MYH10: variants seen among roughly 807,000 people sequenced by gnomAD.
The protein encoded by MYH10 is myosin-10.
A neutral mutation model predicts 257.8 loss-of-function variants in MYH10; 55 were observed. That is an observed-to-expected ratio of 0.21 (90% CI 0.17 to 0.27). MYH10 has a LOEUF of 0.27. MYH10 is among the 10% of genes least tolerant of loss of function. MYH10 has a pLI of 1.00. For synonymous variants in MYH10, 854 were observed against 921.7 expected, an observed-to-expected ratio of 0.93 and a Z score of 1.33; for missense variants, 1,631 against 2,500.6, an observed-to-expected ratio of 0.65 and a Z score of 7.42.
chr17:8,504,420 C>A lies in MYH10; in HGVS notation c.3599+274G>T, dbSNP rs1009399770. 4.6e-5 allele frequency among the ~76,000 whole-genome samples: 7 copies of A among 151,888 alleles called. No homozygotes were observed. Among genetic ancestry groups the A allele is most frequent in the African/African-American group, 1.7e-4 (7 of 41,190 alleles). On this transcript the variant is annotated intron_variant, in intron 28 of 42. Coordinates refer to ENST00000360416, the MANE Select transcript of MYH10 (RefSeq NM_001256012.3). This position sits in a 1 kb window ranked among gnomAD's most constrained non-coding sequence, Gnocchi z 5.6. Reference sequence around the variant, plus strand: ...TGCTCTGTGTAGTTGTCACTCTCTCCCCCTAGATATCCATCACTGACCACA... The same window carrying A: ...TGCTCTGTGTAGTTGTCACTCTCTCACCCTAGATATCCATCACTGACCACA...
Position 8,474,568 on chromosome 17 carries a change from T to C in MYH10, c.*1236A>G, listed in dbSNP as rs1301455980. On this transcript the variant is annotated 3_prime_UTR_variant, in exon 43 of 43. Coordinates refer to ENST00000360416, the MANE Select transcript of MYH10 (RefSeq NM_001256012.3). Reference sequence around the variant, plus strand: ...GTCACTGAATGTCTGTAATACCACTTTGACTAGAGAGGTACATGATATGAA... The same window carrying C: ...GTCACTGAATGTCTGTAATACCACTCTGACTAGAGAGGTACATGATATGAA... 1.3e-5 allele frequency: 2 copies of C among 152,678 alleles called. No individual in the cohort carries two copies. The highest frequency in any genetic ancestry group is 2.9e-5 in the Non-Finnish European group (2 of 68,042). 9.5% of individuals were successfully genotyped at this position (152,678 alleles called of 1,614,324 possible). A position where few individuals can be genotyped will look rare whatever the true frequency, so the allele number is the denominator to read the frequency against.
chr17:8,622,914 T>C lies in MYH10; in HGVS notation c.333A>G (p.Ser111=), dbSNP rs2085524135. ...VLHNLKDRYY[S]GLIYTYSGLF... ...AAGAAATACTTACATAGATTAGTCCTGAATAGTAGCGATCCTTCAGATTAT... is the reference window on the plus strand; with the variant it reads ...AAGAAATACTTACATAGATTAGTCCCGAATAGTAGCGATCCTTCAGATTAT... Residue 111 remains serine, a synonymous_variant, in exon 2 of 43, where the codon TCA becomes TCG. Coordinates refer to ENST00000360416, the MANE Select transcript of MYH10 (RefSeq NM_001256012.3). 1 of 1,613,890 alleles carries C rather than the reference T, an allele frequency of 6.2e-7. No homozygotes were observed. Among genetic ancestry groups the C allele is most frequent in the Non-Finnish European group, 8.5e-7 (1 of 1,179,890 alleles).
At chr17:8,531,853 G>T (rs764414656) in intron 16 of MYH10, among the ~76,000 whole-genome samples, 39 of 152,002 alleles carry the variant, frequency 2.6e-4, no homozygotes, top group African/African-American at 8.7e-4. Context: ...TTTTTCCAGG[G>T]TTATTTTTCT....
chr17:8,490,703 C>T lies in MYH10; in HGVS notation c.4672-151G>A. Reference sequence around the variant, plus strand: ...CTGCCACATGCATACACATCCTTCCCTCTCCCCTGAAAGCTGCTGCTATTC... The same window carrying T: ...CTGCCACATGCATACACATCCTTCCTTCTCCCCTGAAAGCTGCTGCTATTC... On this transcript the variant is annotated intron_variant, in intron 34 of 42. Coordinates refer to ENST00000360416, the MANE Select transcript of MYH10 (RefSeq NM_001256012.3). The surrounding 1 kb of genome is among the most constrained non-coding windows in gnomAD (Gnocchi z 4.1). The T allele has an allele frequency of 3.0e-6, 2 of 677,368 alleles. No individual in the cohort carries two copies. The highest frequency in any genetic ancestry group is 2.4e-5 in the Admixed American group (1 of 41,934). The allele number at this position is 677,368 out of a possible 1,614,324, so 42.0% of individuals were successfully genotyped here.
At chr17:8,518,860 A>G (rs1466468325) in intron 20 of MYH10, 21 bp downstream of exon 20, 1 of 1,603,230 alleles carries the variant, frequency 6.2e-7, no homozygotes, top group Non-Finnish European at 8.5e-7. Flanking sequence ...ACAAGCCAGA[A>G]AAAGATCAAG....
At chr17:8,587,469 T>C (rs533945289) in intron 4 of MYH10, among the ~76,000 whole-genome samples, 1 of 152,316 alleles carries the variant, frequency 6.6e-6, no homozygotes, top group East Asian at 1.9e-4. Flanking sequence ...CCAAGTCTTC[T>C]ACTTCATAGA....
rs993492729 is a variant in MYH10 at position 8,552,953 on chromosome 17, C to T, written c.821-809G>A. On this transcript the variant is annotated intron_variant, in intron 8 of 42. Coordinates refer to ENST00000360416, the MANE Select transcript of MYH10 (RefSeq NM_001256012.3). This position sits in a 1 kb window ranked among gnomAD's most constrained non-coding sequence, Gnocchi z 4.8. ...TCAGATCCACAGTTCTTGATGCTCC[C>T]GGAGTTCCTATGGGTTGACAGTCAC... Among the ~76,000 whole-genome samples, 1 of 152,204 alleles carries T rather than the reference C, an allele frequency of 6.6e-6. No individual in the cohort carries two copies. Among genetic ancestry groups the T allele is most frequent in the Non-Finnish European group, 1.5e-5 (1 of 68,048 alleles).
chr17:8,623,130 T>C lies in MYH10; in HGVS notation c.117A>G (p.Pro39=). The part of the protein sequence containing the change: ...DWTAKKLVWI[P]SERHGFEAAS... The stretch of plus-strand genomic sequence containing the variant: ...CTGCCTCAAAACCATGGCGTTCTGA[T>C]GGAATCCACACTAGCTTTTTAGCTG... The change falls in exon 2 of 43, where the codon CCA becomes CCG. Residue 39 remains proline, a synonymous_variant. Coordinates refer to ENST00000360416, the MANE Select transcript of MYH10 (RefSeq NM_001256012.3). 1.2e-6 allele frequency: 2 copies of C among 1,614,070 alleles called. No homozygotes were observed. The highest frequency in any genetic ancestry group is 1.7e-6 in the Non-Finnish European group (2 of 1,180,014).
intron 19 of MYH10, among the ~76,000 whole-genome samples, chr17:8,520,433 T>C (rs1408210180): frequency 6.6e-6 from 1 of 151,936 alleles, no homozygotes; most frequent in East Asian, 1.9e-4. Context: ...GAGGCGGAGG[T>C]TGCAGTGAGC....
intron 3 of MYH10, among the ~76,000 whole-genome samples, chr17:8,590,816 T>C (rs2084099971): frequency 6.7e-6 from 1 of 150,302 alleles, no homozygotes; most frequent in African/African-American, 2.4e-5. Context: ...TCGATCCAGC[T>C]TCACCTCCTC....
chr17:8,488,664 G>A (rs546877545), intron 35 of MYH10, among the ~76,000 whole-genome samples: 20 of 152,272 alleles, frequency 1.3e-4, no homozygotes, highest in African/African-American at 3.9e-4. Flanking sequence ...AAGGCTTGAC[G>A]GAGTGGTGGC....
chr17:8,504,551 T>C lies in MYH10; in HGVS notation c.3599+143A>G. 1 of 715,840 alleles carries C rather than the reference T, an allele frequency of 1.4e-6. No homozygotes were observed. Among genetic ancestry groups the C allele is most frequent in the East Asian group, 2.7e-5 (1 of 37,188 alleles). The allele number at this position is 715,840 out of a possible 1,614,324, so 44.3% of individuals were successfully genotyped here. On this transcript the variant is annotated intron_variant, in intron 28 of 42. Coordinates refer to ENST00000360416, the MANE Select transcript of MYH10 (RefSeq NM_001256012.3). This position sits in a 1 kb window ranked among gnomAD's most constrained non-coding sequence, Gnocchi z 5.6. ...CCATAGGCTGGTCTGTTTCTAACCA[T>C]TACCATTTAATCACCGTTCCACCTG... is the stretch of plus-strand genomic sequence containing the variant.
In MYH10 at chr17:8,490,022, A is replaced by T. The variant is rs1425663699; in HGVS notation, c.4884+318T>A. On this transcript the variant is annotated intron_variant, in intron 35 of 42. Transcript: ENST00000360416. This position sits in a 1 kb window ranked among gnomAD's most constrained non-coding sequence, Gnocchi z 4.1. The stretch of plus-strand genomic sequence containing the variant: ...GAATCACCGTGTCTGGGATGCATCA[A>T]TTCTTTCCTATACCCATGTTCTAAG... Among the ~76,000 whole-genome samples, 1 of 152,168 alleles carries T rather than the reference A, an allele frequency of 6.6e-6. No homozygotes were observed. The highest frequency in any genetic ancestry group is 2.4e-5 in the African/African-American group (1 of 41,418).
At chr17:8,550,423 T>C (rs1393024016) in intron 9 of MYH10, among the ~76,000 whole-genome samples, 9 of 140,260 alleles carry the variant, frequency 6.4e-5, no homozygotes, top group Non-Finnish European at 1.1e-4. Context: ...GGCCGCCCCG[T>C]CTGAGAAGTG....
rs770882846 is a variant in MYH10, at chr17:8,569,822, A to G, written c.664-10T>C. 13 of 1,586,788 alleles carry G rather than the reference A, an allele frequency of 8.2e-6. No individual in the cohort carries two copies. The South Asian group carries it at 1.4e-4, about 17-fold the overall frequency. ...GCCGTTCAAGTTCCCCCTAAAAGACATTACACACACACAAATAAAAGCAGA... is the reference window on the plus strand; with the variant it reads ...GCCGTTCAAGTTCCCCCTAAAAGACGTTACACACACACAAATAAAAGCAGA... On this transcript the variant is annotated splice_polypyrimidine_tract_variant and intron_variant, in intron 6 of 42. Transcript: ENST00000360416. The surrounding 1 kb of genome is among the most constrained non-coding windows in gnomAD (Gnocchi z 4.1).
chr17:8,566,409 T>G (rs1190437827), intron 7 of MYH10, among the ~76,000 whole-genome samples: 3 of 152,182 alleles, frequency 2.0e-5, no homozygotes, highest in African/African-American at 7.2e-5. Flanking sequence ...AACTTCTGTC[T>G]TTCTCTTGGA....
At position 8,477,011 on chromosome 17, in the gene MYH10, C is replaced by T. The variant is rs776414061; in HGVS notation, c.5744G>A (p.Arg1915His). The change falls in exon 42 of 43, where the codon CGC (arginine) becomes CAC (histidine). Residue 1915 changes from arginine (R) to histidine (H), a missense_variant. Coordinates refer to ENST00000360416, the MANE Select transcript of MYH10 (RefSeq NM_001256012.3). This position sits in a 1 kb window ranked among gnomAD's most constrained non-coding sequence, Gnocchi z 4.2. ...TTCTTCTTCTGCTTCCTCCAGCTGG[C>T]GTTTAAGCTGCTTCATCCGAGCGTT... Reference protein sequence around the residue: ...KANARMKQLKRQLEEAEEEAT... With the variant: ...KANARMKQLKHQLEEAEEEAT... 7 of 1,614,180 alleles carry T rather than the reference C, an allele frequency of 4.3e-6. No homozygotes were observed. Among genetic ancestry groups the T allele is most frequent in the South Asian group, 1.1e-5 (1 of 91,092 alleles).
At position 8,518,815 on chromosome 17, in the gene MYH10, C is replaced by CT. The variant is rs772555898; in HGVS notation, c.2344-25dup. The CT allele has an allele frequency of 5.2e-5, 83 of 1,602,960 alleles. No homozygotes were observed. In the Middle Eastern group the frequency reaches 1.3e-3, roughly 26 times the overall value. ...ATCTAAGAGAGAAAGAGTTTATTTA[C>CT]TTTTTTTAACTACAAGAAAGATTAG... On this transcript the variant is annotated intron_variant, in intron 20 of 42. Transcript: ENST00000360416.
At position 8,607,303 on chromosome 17, in the gene MYH10, C is replaced by T. The variant is rs1042664616; in HGVS notation, c.346-2321G>A. Among the ~76,000 whole-genome samples the T allele has an allele frequency of 3.3e-5, 5 of 152,278 alleles. No individual in the cohort carries two copies. In the East Asian group the frequency reaches 9.6e-4, roughly 29 times the overall value. ...AAAATACACAAATTCAGTTTAGTGT[C>T]CCATAGCACGTATGGCATGGTAACA... is the stretch of plus-strand genomic sequence containing the variant. On this transcript the variant is annotated intron_variant, in intron 2 of 42. Transcript: ENST00000360416.
Sources: allele counts gnomAD v4.1 joint callset (sites outside exome capture counted in the v4.1 genomes callset), GRCh38; gene constraint gnomAD v4.1.1; non-coding constraint Gnocchi (gnomAD v3.1); transcripts MANE v1.5; gene names NCBI Gene and HGNC (gene_info 2026-07-23, HGNC 2026-07-21).